The following PCDHB4 variants were observed in gnomAD, a reference collection of about 807,000 sequenced individuals.
The protein encoded by PCDHB4 is protocadherin beta 4.
For synonymous variants in PCDHB4, 482 were observed against 447.3 expected, an observed-to-expected ratio of 1.08 and a Z score of -0.98; for missense variants, 1,063 against 1,007.0, an observed-to-expected ratio of 1.06 and a Z score of -0.75.
In PCDHB4 at chr5:141,123,206, T is replaced by C; in HGVS notation, c.1208T>C (p.Val403Ala). ...KPTLKNFYTLVTERPLDRETS... is the reference protein window; with the variant it reads ...KPTLKNFYTLATERPLDRETS... Reference sequence around the variant, plus strand: ...ACTTTGAAGAATTTTTACACCCTGGTAACAGAGAGACCACTGGACCGAGAG... The same window carrying C: ...ACTTTGAAGAATTTTTACACCCTGGCAACAGAGAGACCACTGGACCGAGAG... The change falls in exon 1 of 1, where the codon GTA becomes GCA. Residue 403 changes from valine (V) to alanine (A), a missense_variant. By Grantham distance (64) the Val-to-Ala change is moderately conservative. Transcript: ENST00000194152. 6.2e-7 allele frequency: 1 copy of C among 1,614,186 alleles called. No homozygotes were observed.
Position 141,124,263 on chromosome 5 carries a change from A to C in PCDHB4, c.2265A>C (p.Thr755=). 6.2e-7 allele frequency: 1 copy of C among 1,614,180 alleles called. No homozygotes were observed. The change falls in exon 1 of 1, where the codon ACA becomes ACC. Residue 755 remains threonine (T), a synonymous_variant. Coordinates refer to ENST00000194152, the MANE Select transcript of PCDHB4 (RefSeq NM_018938.4). ...SQSYQYEVCL[T]GDSGTGEFKF... ...GCTACCAGTACGAGGTGTGTCTGAC[A>C]GGAGACTCTGGGACTGGTGAGTTCA...
Position 141,124,387 on chromosome 5 carries a change from G to A in PCDHB4, c.*1G>A. On this transcript the variant is annotated 3_prime_UTR_variant, in exon 1 of 1. Transcript: ENST00000194152. Reference sequence around the variant, plus strand: ...CAGAAATAGCTTGGTATTCAGTTAAGTATTGTATTTAGTTCAGTGAACCGC... The same window carrying A: ...CAGAAATAGCTTGGTATTCAGTTAAATATTGTATTTAGTTCAGTGAACCGC... 2 of 1,593,700 alleles carry A rather than the reference G, an allele frequency of 1.3e-6. No homozygotes were observed. The highest frequency in any genetic ancestry group is 1.7e-4 in the Middle Eastern group (1 of 5,938).
Position 141,123,049 on chromosome 5 carries a change from C to T in PCDHB4, c.1051C>T (p.Leu351Phe), listed in dbSNP as rs1246181261. 1.9e-6 allele frequency: 3 copies of T among 1,613,890 alleles called. No homozygotes were observed. The African/African-American group carries it at 4.0e-5, about 22-fold the overall frequency. Reference protein sequence around the residue: ...DNPPELIISSLTSSIPENAPE... With the variant: ...DNPPELIISSFTSSIPENAPE... ...TCCCCCAGAACTTATCATATCTTCA[C>T]TCACCAGCTCCATCCCAGAAAATGC... The change falls in exon 1 of 1, where the codon CTC becomes TTC. Residue 351 changes from leucine (L) to phenylalanine (F), a missense_variant. Physicochemically the swap from Leu to Phe is conservative, Grantham distance 22 (BLOSUM62 0). Coordinates refer to ENST00000194152, the MANE Select transcript of PCDHB4 (RefSeq NM_018938.4).
chr5:141,122,674 A>T lies in PCDHB4; in HGVS notation c.676A>T (p.Met226Leu). ...GGSPPRSGTV[M>L]VRILIMDIND... is the part of the protein sequence containing the mutation. Reference sequence around the variant, plus strand: ...GTCACCACCTAGGTCTGGCACGGTCATGGTTCGAATCCTGATCATGGACAT... The same window carrying T: ...GTCACCACCTAGGTCTGGCACGGTCTTGGTTCGAATCCTGATCATGGACAT... The change falls in exon 1 of 1, where the codon ATG (methionine) becomes TTG (leucine). Residue 226 changes from methionine to leucine, a missense_variant. Physicochemically the swap from Met to Leu is conservative, Grantham distance 15 (BLOSUM62 2). Transcript: ENST00000194152. 6.2e-7 allele frequency: 1 copy of T among 1,614,214 alleles called. No homozygotes were observed. Among genetic ancestry groups the T allele is most frequent in the Non-Finnish European group, 8.5e-7 (1 of 1,180,034 alleles).
chr5:141,124,435 C>T lies in PCDHB4; in HGVS notation c.*49C>T, dbSNP rs1312715969. On this transcript the variant is annotated 3_prime_UTR_variant, in exon 1 of 1. Transcript: ENST00000194152. The stretch of plus-strand genomic sequence containing the variant: ...CGCCCGTTAGTTTTGTCAAACTTCC[C>T]ACTGCAATGCCTTTATTTAAAAAAA... 2 of 1,415,526 alleles carry T rather than the reference C, an allele frequency of 1.4e-6. No homozygotes were observed. Among genetic ancestry groups the T allele is most frequent in the Non-Finnish European group, 1.9e-6 (2 of 1,043,432 alleles). 87.7% of individuals were successfully genotyped at this position (1,415,526 alleles called of 1,614,324 possible).
In PCDHB4 at chr5:141,124,500, C is replaced by A; in HGVS notation, c.*114C>A. ...AAATATTCATACCACAATTTCAAAC[C>A]TACTCATGTCCCTGATAAAGCTAAA... On this transcript the variant is annotated 3_prime_UTR_variant, in exon 1 of 1. Coordinates refer to ENST00000194152, the MANE Select transcript of PCDHB4 (RefSeq NM_018938.4). The A allele has an allele frequency of 1.1e-6, 1 of 915,468 alleles. No homozygotes were observed. Among genetic ancestry groups the A allele is most frequent in the Non-Finnish European group, 1.6e-6 (1 of 621,498 alleles). 56.7% of individuals were successfully genotyped at this position (915,468 alleles called of 1,614,324 possible).
Position 141,123,183 on chromosome 5 carries a change from T to G in PCDHB4, c.1185T>G (p.Thr395=). The change falls in exon 1 of 1, where the codon ACT becomes ACG. Residue 395 remains threonine, a synonymous_variant. Coordinates refer to ENST00000194152, the MANE Select transcript of PCDHB4 (RefSeq NM_018938.4). ...PDNLPFILKP[T]LKNFYTLVTE... is the part of the protein sequence containing the mutation. ...ATCTACCGTTTATTCTAAAACCAAC[T>G]TTGAAGAATTTTTACACCCTGGTAA... 1 of 1,614,130 alleles carries G rather than the reference T, an allele frequency of 6.2e-7. No homozygotes were observed. The highest frequency in any genetic ancestry group is 1.1e-5 in the South Asian group (1 of 91,074).
At position 141,123,601 on chromosome 5, in the gene PCDHB4, C is replaced by T. The variant is rs376183377; in HGVS notation, c.1603C>T (p.Arg535Cys). 1 of 1,612,268 alleles carries T rather than the reference C, an allele frequency of 6.2e-7. No individual in the cohort carries two copies. Among genetic ancestry groups the T allele is most frequent in the African/African-American group, 1.3e-5 (1 of 75,010 alleles). ...CGAGTTCCGCGTGGGCGCCTCAGAC[C>T]GCGGTTCTCCGGCTTTGAGCAGCGA... ...AFEFRVGASD[R>C]GSPALSSEAL... Residue 535 changes from arginine (R) to cysteine (C), a missense_variant, in exon 1 of 1, where the codon CGC (arginine) becomes TGC (cysteine). Transcript: ENST00000194152.
chr5:141,123,930 G>A lies in PCDHB4; in HGVS notation c.1932G>A (p.Lys644=). The part of the protein sequence containing the change: ...AAKHRLVVLV[K]DNGEPPRSAT... ...AGCACAGGCTCGTGGTGCTTGTCAA[G>A]GACAATGGCGAGCCTCCGCGCTCGG... Residue 644 remains lysine, a synonymous_variant, in exon 1 of 1, where the codon AAG becomes AAA. Transcript: ENST00000194152. 6.2e-7 allele frequency: 1 copy of A among 1,605,340 alleles called. No homozygotes were observed. The highest frequency in any genetic ancestry group is 8.5e-7 in the Non-Finnish European group (1 of 1,179,682).
rs75741396 is a variant in PCDHB4 at position 141,124,677 on chromosome 5, T to C, written c.*291T>C. On this transcript the variant is annotated 3_prime_UTR_variant, in exon 1 of 1. Transcript: ENST00000194152. The stretch of plus-strand genomic sequence containing the variant: ...AGGATAAAAATAAATTATGTTTTAA[T>C]GAAATTCTTAAATTAACATCTTTTT... 1.6e-3 allele frequency: 383 copies of C among 235,180 alleles called. 2 individuals are homozygous for C. Among genetic ancestry groups the C allele is most frequent in the African/African-American group, 8.3e-3 (367 of 44,480 alleles). 14.6% of individuals were successfully genotyped at this position (235,180 alleles called of 1,614,324 possible). A position where few individuals can be genotyped will look rare whatever the true frequency, so the allele number is the denominator to read the frequency against.
Position 141,123,525 on chromosome 5 carries a change from C to T in PCDHB4, c.1527C>T (p.Asn509=), listed in dbSNP as rs543089162. 9.9e-6 allele frequency: 16 copies of T among 1,613,324 alleles called. No individual in the cohort carries two copies. In the South Asian group the frequency reaches 1.3e-4, roughly 13 times the overall value. ...CCCTGGTCTCCATCAACGCAGACAA[C>T]GGCCACCTGTTCGCCCTCAGGTCGC... ...LASLVSINAD[N]GHLFALRSLD... Residue 509 remains asparagine, a synonymous_variant, in exon 1 of 1, where the codon AAC becomes AAT. Transcript: ENST00000194152.
In PCDHB4 at chr5:141,124,643, T is replaced by C. The variant is rs1752381187; in HGVS notation, c.*257T>C. On this transcript the variant is annotated 3_prime_UTR_variant, in exon 1 of 1. Transcript: ENST00000194152. ...GATTAATCTTTTTGTAATCATAAAT[T>C]ACTCAATTAGGATAAAAATAAATTA... The C allele has an allele frequency of 6.3e-6, 2 of 315,132 alleles. No homozygotes were observed. Among genetic ancestry groups the C allele is most frequent in the Non-Finnish European group, 1.2e-5 (2 of 173,788 alleles). The allele number at this position is 315,132 out of a possible 1,614,324, so 19.5% of individuals were successfully genotyped here. A position where few individuals can be genotyped will look rare whatever the true frequency, so the allele number is the denominator to read the frequency against.
Position 141,124,312 on chromosome 5 carries a change from A to G in PCDHB4, c.2314A>G (p.Asn772Asp). Residue 772 changes from asparagine to aspartate, a missense_variant, in exon 1 of 1, where the codon AAT becomes GAT. By Grantham distance (23) the Asn-to-Asp change is conservative. Coordinates refer to ENST00000194152, the MANE Select transcript of PCDHB4 (RefSeq NM_018938.4). ...EFKFLKPIFP[N>D]LLVQDTGREV... ...CAAGTTCCTGAAGCCAATATTTCCT[A>G]ATCTCTTGGTTCAGGACACCGGGAG... The G allele has an allele frequency of 6.2e-7, 1 of 1,613,648 alleles. No individual in the cohort carries two copies. The highest frequency in any genetic ancestry group is 8.5e-7 in the Non-Finnish European group (1 of 1,179,938).
chr5:141,123,813 G>A lies in PCDHB4; in HGVS notation c.1815G>A (p.Leu605=). ...AGAACGCCTGGCTGTCGTACCAGCT[G>A]CTCAAGGCCACGGAGCCTGGGCTGT... ...SGQNAWLSYQ[L]LKATEPGLFG... is the part of the protein sequence containing the mutation. Residue 605 remains leucine (L), a synonymous_variant, in exon 1 of 1, where the codon CTG becomes CTA. Transcript: ENST00000194152. The A allele has an allele frequency of 6.2e-7, 1 of 1,609,742 alleles. No homozygotes were observed. The highest frequency in any genetic ancestry group is 8.5e-7 in the Non-Finnish European group (1 of 1,179,704).
In PCDHB4 at chr5:141,123,101, G is replaced by A. The variant is rs143711233; in HGVS notation, c.1103G>A (p.Arg368Gln). The A allele has an allele frequency of 3.1e-6, 5 of 1,613,756 alleles. No individual in the cohort carries two copies. The highest frequency in any genetic ancestry group is 1.3e-5 in the African/African-American group (1 of 74,842). The change falls in exon 1 of 1, where the codon CGA (arginine) becomes CAA (glutamine). Residue 368 changes from arginine (R) to glutamine (Q), a missense_variant. By Grantham distance (43) the Arg-to-Gln change is conservative. Transcript: ENST00000194152. The part of the protein sequence containing the change: ...NAPETVVSIF[R>Q]IRDRDSGENG... The stretch of plus-strand genomic sequence containing the variant: ...CCTGAGACGGTAGTCTCTATCTTCC[G>A]AATTCGAGATAGAGATTCCGGAGAA...
In PCDHB4 at chr5:141,125,478, A is replaced by C. The variant is rs1215638410; in HGVS notation, c.*1092A>C. 6.6e-6 allele frequency: 1 copy of C among 152,198 alleles called. No homozygotes were observed. The highest frequency in any genetic ancestry group is 1.5e-5 in the Non-Finnish European group (1 of 68,020). 9.4% of individuals were successfully genotyped at this position (152,198 alleles called of 1,614,324 possible). A position where few individuals can be genotyped will look rare whatever the true frequency, so the allele number is the denominator to read the frequency against. On this transcript the variant is annotated 3_prime_UTR_variant, in exon 1 of 1. Transcript: ENST00000194152. ...TACAAAAATAATTTTTAAATGCTTA[A>C]TTATTTTAATTTGTTCTTTAAGGTA...
chr5:141,124,459 A>G lies in PCDHB4; in HGVS notation c.*73A>G. ...CCACTGCAATGCCTTTATTTAAAAA[A>G]ATTGTCTACTTATCTAAATATTCAT... is the stretch of plus-strand genomic sequence containing the variant. On this transcript the variant is annotated 3_prime_UTR_variant, in exon 1 of 1. Coordinates refer to ENST00000194152, the MANE Select transcript of PCDHB4 (RefSeq NM_018938.4). The G allele has an allele frequency of 7.9e-7, 1 of 1,266,650 alleles. No homozygotes were observed. The highest frequency in any genetic ancestry group is 1.1e-6 in the Non-Finnish European group (1 of 920,682). 78.5% of individuals were successfully genotyped at this position (1,266,650 alleles called of 1,614,324 possible).
chr5:141,124,391 T>G lies in PCDHB4; in HGVS notation c.*5T>G. 1 of 1,581,630 alleles carries G rather than the reference T, an allele frequency of 6.3e-7. No individual in the cohort carries two copies. The highest frequency in any genetic ancestry group is 8.6e-7 in the Non-Finnish European group (1 of 1,162,902). On this transcript the variant is annotated 3_prime_UTR_variant, in exon 1 of 1. Transcript: ENST00000194152. ...AATAGCTTGGTATTCAGTTAAGTAT[T>G]GTATTTAGTTCAGTGAACCGCCCGT...
Position 141,123,601 on chromosome 5 carries a change from C to A in PCDHB4, c.1603C>A (p.Arg535Ser), listed in dbSNP as rs376183377. 310 of 1,612,268 alleles carry A rather than the reference C, an allele frequency of 1.9e-4. 1 individual carries two copies. The highest frequency in any genetic ancestry group is 2.4e-4 in the Non-Finnish European group (287 of 1,179,800). ...CGAGTTCCGCGTGGGCGCCTCAGAC[C>A]GCGGTTCTCCGGCTTTGAGCAGCGA... is the stretch of plus-strand genomic sequence containing the variant. ...AFEFRVGASD[R>S]GSPALSSEAL... Residue 535 changes from arginine to serine, a missense_variant, in exon 1 of 1, where the codon CGC becomes AGC. Coordinates refer to ENST00000194152, the MANE Select transcript of PCDHB4 (RefSeq NM_018938.4).
Sources: gnomAD v4.1 joint callset for allele counts on GRCh38, gnomAD v4.1.1 for gene constraint, MANE v1.5 for transcripts, NCBI Gene and HGNC (gene_info 2026-07-23, HGNC 2026-07-21) for gene names.